Variants in CDYL2 observed in about 807,000 individuals in gnomAD.
CDYL2 encodes chromodomain Y-like protein 2.
CDYL2 carries 23 observed loss-of-function variants against 49.4 expected under a neutral mutation model. That is an observed-to-expected ratio of 0.47 (90% CI 0.34 to 0.66). The LOEUF (loss-of-function observed/expected upper bound fraction) is 0.66, where lower values mean the gene tolerates loss of function less well. Among genes scored for constraint, CDYL2 ranks in the 30% least tolerant of loss-of-function variants. CDYL2 has a pLI of 0.01. For synonymous variants in CDYL2, 360 were observed against 268.8 expected, an observed-to-expected ratio of 1.34 and a Z score of -3.32; for missense variants, 678 against 656.4, an observed-to-expected ratio of 1.03 and a Z score of -0.36.
intron 1 of CDYL2, among the ~76,000 whole-genome samples, chr16:80,762,902 A>C (rs76749186): frequency 6.2e-4 from 95 of 152,320 alleles, no homozygotes; most frequent in African/African-American, 2.1e-3. Context: ...TTCAAGCATG[A>C]GCTACAGTAC....
chr16:80,604,381 G>C lies in CDYL2; in HGVS notation c.*7C>G, dbSNP rs773834303. The C allele has an allele frequency of 1.9e-6, 3 of 1,613,818 alleles. No individual in the cohort carries two copies. The highest frequency in any genetic ancestry group is 1.3e-5 in the African/African-American group (1 of 74,924). On this transcript the variant is annotated 3_prime_UTR_variant, in exon 7 of 7. Coordinates refer to ENST00000570137, the MANE Select transcript of CDYL2 (RefSeq NM_152342.4). ...CTGGAAGTTGGGGGCCCGTGAGCTG[G>C]GGCCCCTCAGACTTCATAAATTTTG... is the stretch of plus-strand genomic sequence containing the variant.
intron 2 of CDYL2, among the ~76,000 whole-genome samples, chr16:80,666,121 G>A (rs1187289751): frequency 6.6e-6 from 1 of 152,104 alleles, no homozygotes; most frequent in Admixed American, 6.5e-5. Context: ...TGCTATTCCC[G>A]GACTACAGAG....
At chr16:80,721,808 C>T (rs1905007628) in intron 1 of CDYL2, among the ~76,000 whole-genome samples, 2 of 152,166 alleles carry the variant, frequency 1.3e-5, no homozygotes, top group Admixed American at 1.3e-4. Flanking sequence ...CCCCGGTGAC[C>T]ATCCCCATCC....
chr16:80,717,506 C>A (rs1319382828), intron 1 of CDYL2, among the ~76,000 whole-genome samples: 1 of 152,192 alleles, frequency 6.6e-6, no homozygotes, highest in Admixed American at 6.5e-5. Context: ...CAAATGACAG[C>A]CCCCAGTCCT....
intron 1 of CDYL2, among the ~76,000 whole-genome samples, chr16:80,755,656 C>A (rs1358603296): frequency 6.6e-6 from 1 of 152,180 alleles, no homozygotes; most frequent in Non-Finnish European, 1.5e-5. Context: ...GAGAAAAATA[C>A]AAAATGCTCA....
intron 1 of CDYL2, among the ~76,000 whole-genome samples, chr16:80,776,267 T>C (rs72820981): frequency 0.018 from 2,677 of 152,178 alleles, 29 homozygotes; most frequent in Non-Finnish European, 0.028. Flanking sequence ...TTCAACTAGC[T>C]AGAAAATTAA....
At chr16:80,799,232 A>G (rs926819214) in intron 1 of CDYL2, among the ~76,000 whole-genome samples, 1 of 152,198 alleles carries the variant, frequency 6.6e-6, no homozygotes, top group Non-Finnish European at 1.5e-5. Flanking sequence ...TGCTAAATAT[A>G]TAACAATAGT....
At chr16:80,619,471 A>G (rs1219834153) in intron 4 of CDYL2, among the ~76,000 whole-genome samples, 1 of 152,194 alleles carries the variant, frequency 6.6e-6, no homozygotes, top group Non-Finnish European at 1.5e-5. Context: ...TGTAAACCAG[A>G]TAAAGACCAT....
At chr16:80,760,697 G>A (rs1274714728) in intron 1 of CDYL2, among the ~76,000 whole-genome samples, 3 of 151,846 alleles carry the variant, frequency 2.0e-5, no homozygotes, top group Non-Finnish European at 1.5e-5. Flanking sequence ...TCTCACCTAC[G>A]CTTCTATTAT....
intron 1 of CDYL2, among the ~76,000 whole-genome samples, chr16:80,732,332 A>G (rs1905357186): frequency 6.6e-6 from 1 of 152,166 alleles, no homozygotes; most frequent in African/African-American, 2.4e-5. Context: ...GTTCGGTGAC[A>G]TATGGTATGT....
At chr16:80,698,283 C>A (rs369194952) in intron 1 of CDYL2, among the ~76,000 whole-genome samples, 64 of 152,210 alleles carry the variant, frequency 4.2e-4, no homozygotes, top group African/African-American at 1.3e-3. Flanking sequence ...AGCTTCTGTA[C>A]GTACTGCAAA....
intron 2 of CDYL2, among the ~76,000 whole-genome samples, chr16:80,639,291 G>A (rs1002081948): frequency 6.6e-6 from 1 of 152,152 alleles, no homozygotes; most frequent in Non-Finnish European, 1.5e-5. Context: ...AGACAGTTTT[G>A]TCTTTTCTTA....
chr16:80,608,341 C>T (rs536121602), intron 5 of CDYL2, 106 bp from the exon 6 acceptor site: 2 of 1,238,106 alleles, frequency 1.6e-6, no homozygotes, highest in East Asian at 5.3e-5. Flanking sequence ...TGGAAGGCAT[C>T]TTGCCTTCCA....
In CDYL2 at chr16:80,602,624, A is replaced by ACTCT. The variant is rs1269176524; in HGVS notation, c.*1760_*1763dup. The ACTCT allele has an allele frequency of 6.6e-6, 1 of 151,952 alleles. No homozygotes were observed. The highest frequency in any genetic ancestry group is 1.9e-4 in the East Asian group (1 of 5,178). The allele number at this position is 151,952 out of a possible 1,614,324, so 9.4% of individuals were successfully genotyped here. On this transcript the variant is annotated 3_prime_UTR_variant, in exon 7 of 7. Transcript: ENST00000570137. ...AGAGAGTTAGAGAACTGTCACCAGA[A>ACTCT]CTCTCTCTTCTAAGCCTGCCTCACC...
At chr16:80,749,616 T>A (rs1241916659) in intron 1 of CDYL2, among the ~76,000 whole-genome samples, 2 of 151,976 alleles carry the variant, frequency 1.3e-5, no homozygotes, top group African/African-American at 4.8e-5. Flanking sequence ...AGGAAGGTAA[T>A]CCAAATTATC....
At chr16:80,803,691 G>C in intron 1 of CDYL2, among the ~76,000 whole-genome samples, 1 of 113,244 alleles carries the variant, frequency 8.8e-6, no homozygotes, top group Non-Finnish European at 1.8e-5. Flanking sequence ...CCCCGGCCCA[G>C]CCGGGCCGCG....
chr16:80,801,124 C>T (rs1243111473), intron 1 of CDYL2, among the ~76,000 whole-genome samples: 1 of 152,222 alleles, frequency 6.6e-6, no homozygotes, highest in Non-Finnish European at 1.5e-5. Context: ...GAATATAGAC[C>T]AGGGCATCTG....
intron 2 of CDYL2, among the ~76,000 whole-genome samples, chr16:80,644,360 C>T (rs1908237742): frequency 6.6e-6 from 1 of 152,210 alleles, no homozygotes; most frequent in Non-Finnish European, 1.5e-5. Context: ...CCCACATTTT[C>T]CTGTCTTCTT....
At chr16:80,655,001 G>C (rs976979872) in intron 2 of CDYL2, among the ~76,000 whole-genome samples, 1 of 152,206 alleles carries the variant, frequency 6.6e-6, no homozygotes. Flanking sequence ...CAGCGGCCCA[G>C]GCAGATCCAG....
Sources: allele counts gnomAD v4.1 joint callset (sites outside exome capture counted in the v4.1 genomes callset), GRCh38; gene constraint gnomAD v4.1.1; transcripts MANE v1.5; gene names NCBI Gene and HGNC (gene_info 2026-07-23, HGNC 2026-07-21).